The following ARHGAP24 variants were observed in gnomAD, a reference collection of about 807,000 sequenced individuals.
ARHGAP24 encodes rho GTPase-activating protein 24.
Under a neutral mutation model 76.4 loss-of-function variants are expected in ARHGAP24, and 50 were observed. That is an observed-to-expected ratio of 0.65 (90% CI 0.52 to 0.83). The LOEUF is 0.83. ARHGAP24 is among the 40% of genes least tolerant of loss of function. ARHGAP24 has a pLI of 0.00. For synonymous variants in ARHGAP24, 345 were observed against 323.3 expected, an observed-to-expected ratio of 1.07 and a Z score of -0.72; for missense variants, 930 against 914.2, an observed-to-expected ratio of 1.02 and a Z score of -0.22.
At chr4:85,874,598 A>G (rs1476631845) in intron 3 of ARHGAP24, among the ~76,000 whole-genome samples, 1 of 151,736 alleles carries the variant, frequency 6.6e-6, no homozygotes, top group Non-Finnish European at 1.5e-5. Context: ...AGTCATGTGA[A>G]TAACTTCTAT....
At chr4:85,507,326 A>G (rs969242954) in intron 1 of ARHGAP24, among the ~76,000 whole-genome samples, 1 of 152,150 alleles carries the variant, frequency 6.6e-6, no homozygotes, top group Non-Finnish European at 1.5e-5. Flanking sequence ...GGCACAAGTG[A>G]TCCTCCTGCC....
At chr4:85,769,464 T>C (rs1322906527) in intron 3 of ARHGAP24, among the ~76,000 whole-genome samples, 1 of 152,040 alleles carries the variant, frequency 6.6e-6, no homozygotes, top group Non-Finnish European at 1.5e-5. Flanking sequence ...TTAGTAAATA[T>C]GGCAAAAAAT....
chr4:85,570,569 A>T lies in ARHGAP24; in HGVS notation c.28A>T (p.Asn10Tyr). The T allele has an allele frequency of 2.5e-6, 4 of 1,613,992 alleles. No individual in the cohort carries two copies. The highest frequency in any genetic ancestry group is 3.4e-6 in the Non-Finnish European group (4 of 1,179,998). ...GGAGGAGAACAATGACTCCACGGAG[A>T]ACCCCCAACAAGGCCAAGGGCGGCA... MEENNDSTENPQQGQGRQNA... is the reference protein window; with the variant it reads MEENNDSTEYPQQGQGRQNA... Residue 10 changes from asparagine (N) to tyrosine (Y), a missense_variant, in exon 2 of 10, where the codon AAC (asparagine) becomes TAC (tyrosine). By Grantham distance (143) the Asn-to-Tyr change is moderately radical. Transcript: ENST00000395184.
At chr4:85,709,606 C>T (rs1401166035) in intron 2 of ARHGAP24, among the ~76,000 whole-genome samples, 1 of 151,762 alleles carries the variant, frequency 6.6e-6, no homozygotes, top group Non-Finnish European at 1.5e-5. Flanking sequence ...TTCAATTTAG[C>T]ATTTTATTAA....
chr4:85,755,001 C>A (rs1726420832), intron 3 of ARHGAP24, among the ~76,000 whole-genome samples: 1 of 152,130 alleles, frequency 6.6e-6, no homozygotes, highest in Non-Finnish European at 1.5e-5. Flanking sequence ...AGATGCAAGG[C>A]CTCAGTATAG....
intron 5 of ARHGAP24, among the ~76,000 whole-genome samples, chr4:85,970,356 T>C (rs185361582): frequency 7.2e-5 from 11 of 152,342 alleles, no homozygotes; most frequent in Admixed American, 2.0e-4. Flanking sequence ...TATTAGATAG[T>C]ATGCAATAAT....
intron 3 of ARHGAP24, among the ~76,000 whole-genome samples, chr4:85,752,504 G>A (rs13135703): frequency 0.23 from 34,296 of 151,922 alleles, 4,396 homozygotes; most frequent in East Asian, 0.54. Flanking sequence ...ATATTCTGAC[G>A]TGGGTCTTAT....
At chr4:85,552,889 G>A (rs1726197324) in intron 1 of ARHGAP24, among the ~76,000 whole-genome samples, 1 of 152,086 alleles carries the variant, frequency 6.6e-6, no homozygotes. Context: ...GCCTATGGAT[G>A]TCATTGTGTG....
chr4:85,773,990 T>C (rs1469457591), intron 3 of ARHGAP24, among the ~76,000 whole-genome samples: 1 of 152,204 alleles, frequency 6.6e-6, no homozygotes, highest in Non-Finnish European at 1.5e-5. Context: ...TGAATGAAGT[T>C]ATTTGCCTCT....
intron 1 of ARHGAP24, among the ~76,000 whole-genome samples, chr4:85,563,474 T>C (rs945582382): frequency 6.6e-6 from 1 of 152,130 alleles, no homozygotes; most frequent in African/African-American, 2.4e-5. Context: ...GACCACAAAT[T>C]TTCTGGTGTC....
In ARHGAP24 at chr4:85,478,187, T is replaced by C. The variant is rs576585667; in HGVS notation, c.-21+2628T>C. On this transcript the variant is annotated intron_variant, in intron 1 of 9. Coordinates refer to ENST00000395184, the MANE Select transcript of ARHGAP24 (RefSeq NM_001025616.3). ...TTTATAGAGGAAAAAGCAGAAGATA[T>C]TTAAAATGGAACGATGCCTGTTTGC... Among the ~76,000 whole-genome samples, 6 of 152,314 alleles carry C rather than the reference T, an allele frequency of 3.9e-5. No homozygotes were observed. The South Asian group carries it at 1.2e-3, about 32-fold the overall frequency.
intron 3 of ARHGAP24, among the ~76,000 whole-genome samples, chr4:85,890,455 G>C: frequency 6.6e-6 from 1 of 152,266 alleles, no homozygotes; most frequent in Admixed American, 6.5e-5. Flanking sequence ...ATAATACTCT[G>C]TGAATATGGG....
At chr4:85,649,240 C>A (rs1007944416) in intron 2 of ARHGAP24, among the ~76,000 whole-genome samples, 4 of 152,040 alleles carry the variant, frequency 2.6e-5, no homozygotes, top group Non-Finnish European at 4.4e-5. Context: ...AGTTCAGTAG[C>A]GATTCTCTAT....
intron 3 of ARHGAP24, among the ~76,000 whole-genome samples, chr4:85,861,074 C>G (rs1447917250): frequency 6.6e-6 from 1 of 151,334 alleles, no homozygotes; most frequent in African/African-American, 2.4e-5. Flanking sequence ...AAATGATTTC[C>G]TTTTATACAT....
In ARHGAP24 at chr4:85,823,534, A is replaced by C. The variant is rs759080101; in HGVS notation, c.269-100114A>C. 7.2e-4 allele frequency among the ~76,000 whole-genome samples: 109 copies of C among 152,152 alleles called. 1 individual carries two copies. The highest frequency in any genetic ancestry group is 1.4e-3 in the Non-Finnish European group (95 of 68,032). On this transcript the variant is annotated intron_variant, in intron 3 of 9. Transcript: ENST00000395184. ...CCCAGGCTTTCTGAAGGAACCCCAC[A>C]TGCAGTGTTTTGATGGAACAGCAGC... is the stretch of plus-strand genomic sequence containing the variant.
At chr4:85,645,477 C>A (rs1721685712) in intron 2 of ARHGAP24, among the ~76,000 whole-genome samples, 1 of 151,936 alleles carries the variant, frequency 6.6e-6, no homozygotes, top group Admixed American at 6.6e-5. Flanking sequence ...AGAAACTGTA[C>A]CATAGGTAGA....
At chr4:85,539,861 C>T (rs1346540060) in intron 1 of ARHGAP24, among the ~76,000 whole-genome samples, 2 of 152,016 alleles carry the variant, frequency 1.3e-5, no homozygotes. Context: ...TTGCGACCAG[C>T]CTGCCAACAT....
intron 3 of ARHGAP24, among the ~76,000 whole-genome samples, chr4:85,908,521 T>C (rs1578374009): frequency 6.6e-6 from 1 of 152,188 alleles, no homozygotes; most frequent in African/African-American, 2.4e-5. Context: ...ATGTTGTAAT[T>C]TGAAAGGTAC....
intron 1 of ARHGAP24, among the ~76,000 whole-genome samples, chr4:85,500,626 C>T (rs866562485): frequency 1.3e-5 from 2 of 152,090 alleles, no homozygotes; most frequent in Middle Eastern, 3.2e-3. Flanking sequence ...ATAATTATAT[C>T]ACATGATGCA....
Sources: gnomAD v4.1 joint callset for allele counts (sites outside exome capture counted in the v4.1 genomes callset) on GRCh38, gnomAD v4.1.1 for gene constraint, MANE v1.5 for transcripts, NCBI Gene and HGNC (gene_info 2026-07-23, HGNC 2026-07-21) for gene names.